Variants in EMSY observed in about 807,000 individuals in gnomAD.
EMSY encodes the protein EMSY transcriptional repressor, BRCA2 interacting.
Under a neutral mutation model 134.6 loss-of-function variants are expected in EMSY, and 26 were observed. The observed-to-expected ratio is 0.19, with a 90% CI of 0.14 to 0.27. The LOEUF (loss-of-function observed/expected upper bound fraction) is 0.27. Ranked by LOEUF, EMSY falls within the 10% of genes least tolerant of loss-of-function variation. EMSY has a pLI of 1.00. For synonymous variants in EMSY, 579 were observed against 577.8 expected (o/e 1.00, Z -0.03); for missense variants, 1,305 against 1,611.4 (o/e 0.81, Z 3.26).
chr11:76,544,563 C>A (rs747936827), exon 19 of EMSY: 1 of 1,614,128 alleles, frequency 6.2e-7, no homozygotes, highest in Non-Finnish European at 8.5e-7. Flanking sequence ...CAAAAACTCA[C>A]CCCTCTCCAG....
chr11:76,453,028 G>T (rs1947730070), intron 3 of EMSY, among the ~76,000 whole-genome samples: 1 of 152,202 alleles, frequency 6.6e-6, no homozygotes, highest in East Asian at 1.9e-4. Context: ...CCCATGGTCT[G>T]ACATTTCTGA....
At chr11:76,446,364 T>TATATG (rs1947408449) in intron 1 of EMSY, among the ~76,000 whole-genome samples, 1 of 147,152 alleles carries the variant, frequency 6.8e-6, no homozygotes, top group African/African-American at 2.5e-5. Flanking sequence ...TATATATATG[T>TATATG]ATGTATCGTT....
chr11:76,479,189 G>A (rs529148799), intron 8 of EMSY, among the ~76,000 whole-genome samples: 45 of 152,220 alleles, frequency 3.0e-4, no homozygotes, highest in Non-Finnish European at 6.0e-4. Flanking sequence ...TCCCTAATCC[G>A]AAAATCTGAA....
chr11:76,479,631 T>A (rs970360715), intron 8 of EMSY, among the ~76,000 whole-genome samples: 3 of 152,212 alleles, frequency 2.0e-5, no homozygotes, highest in Admixed American at 2.0e-4. Flanking sequence ...AGCACTTATG[T>A]TTATCTATAG....
At chr11:76,520,319 G>A (rs1346426574) in intron 11 of EMSY, among the ~76,000 whole-genome samples, 1 of 152,114 alleles carries the variant, frequency 6.6e-6, no homozygotes, top group Non-Finnish European at 1.5e-5. Flanking sequence ...TGTAATGGAA[G>A]GGATTAGACA....
Position 76,463,592 on chromosome 11 carries a change from C to T in EMSY, c.572-229C>T, listed in dbSNP as rs534893857. On this transcript the variant is annotated intron_variant, in intron 6 of 20. Transcript: ENST00000334736. ...GAGCCGAGATTGCGCCACTGCAGTCCGCAGTCCGGCCTGGGTGACAGAGCG... is the reference window on the plus strand; with the variant it reads ...GAGCCGAGATTGCGCCACTGCAGTCTGCAGTCCGGCCTGGGTGACAGAGCG... Among the ~76,000 whole-genome samples, 9 of 144,770 alleles carry T rather than the reference C, an allele frequency of 6.2e-5. No individual in the cohort carries two copies. In the East Asian group the frequency reaches 1.2e-3, roughly 20 times the overall value. 95.0% of individuals were successfully genotyped at this position (144,770 alleles called of 152,430 possible). A position where few individuals can be genotyped will look rare whatever the true frequency, so the allele number is the denominator to read the frequency against.
At chr11:76,526,372 T>C (rs1950846552) in intron 12 of EMSY, 90 bp from the exon 14 acceptor site, 1 of 943,280 alleles carries the variant, frequency 1.1e-6, no homozygotes, top group Admixed American at 3.1e-5. Flanking sequence ...TTTTTCATCA[T>C]CCTGGTAAAA....
intron 4 of EMSY, among the ~76,000 whole-genome samples, chr11:76,456,134 C>G (rs544555155): frequency 6.6e-6 from 1 of 152,082 alleles, no homozygotes; most frequent in African/African-American, 2.4e-5. Flanking sequence ...GTGAAGCCCT[C>G]CAGGAAGATG....
rs959845450 is a variant in EMSY, at chr11:76,522,243, A to G, written c.1685-912A>G. ...TAGATAGATCTTAATAATTGACAATATAAGTTTATATATGCAAATTAGAGT... is the reference window on the plus strand; with the variant it reads ...TAGATAGATCTTAATAATTGACAATGTAAGTTTATATATGCAAATTAGAGT... On this transcript the variant is annotated intron_variant, in intron 11 of 20. Coordinates refer to ENST00000334736, the Ensembl canonical transcript of EMSY. 5.3e-5 allele frequency among the ~76,000 whole-genome samples: 8 copies of G among 151,748 alleles called. No homozygotes were observed. The East Asian group carries it at 1.2e-3, about 22-fold the overall frequency.
At chr11:76,544,916 C>A in intron 19 of EMSY, 94 bp downstream of exon 20, 1 of 1,362,278 alleles carries the variant, frequency 7.3e-7, no homozygotes, top group Non-Finnish European at 9.9e-7. Flanking sequence ...TCAGTGCTTT[C>A]TCCTGGCAAG....
intron 8 of EMSY, among the ~76,000 whole-genome samples, chr11:76,487,568 C>G (rs1949239518): frequency 6.6e-6 from 1 of 152,198 alleles, no homozygotes; most frequent in Non-Finnish European, 1.5e-5. Flanking sequence ...CAGTAGCATA[C>G]AAGTTCAGAG....
intron 8 of EMSY, among the ~76,000 whole-genome samples, chr11:76,489,369 T>G (rs1383082997): frequency 1.3e-5 from 2 of 151,338 alleles, no homozygotes; most frequent in African/African-American, 4.9e-5. Context: ...AAGGGAAGTG[T>G]AAAAGTCTGT....
At chr11:76,534,820 A>G (rs1002866719) in intron 14 of EMSY, among the ~76,000 whole-genome samples, 4 of 152,104 alleles carry the variant, frequency 2.6e-5, no homozygotes, top group African/African-American at 9.7e-5. Context: ...CCCCATTATA[A>G]TCTGAATATA....
At chr11:76,474,413 A>AT in intron 8 of EMSY, among the ~76,000 whole-genome samples, 1 of 152,178 alleles carries the variant, frequency 6.6e-6, no homozygotes, top group Admixed American at 6.5e-5. Context: ...CTTAAGACAG[A>AT]TTGGGGCTTG....
intron 9 of EMSY, among the ~76,000 whole-genome samples, chr11:76,504,824 A>G (rs1036412017): frequency 2.0e-5 from 3 of 152,240 alleles, no homozygotes; most frequent in African/African-American, 7.2e-5. Context: ...AATTAGCCAT[A>G]AAAGGAATGA....
chr11:76,453,372 A>G (rs549193022), exon 4 of EMSY: 3 of 1,612,876 alleles, frequency 1.9e-6, no homozygotes, highest in Non-Finnish European at 2.5e-6. Context: ...TGAACGGTTA[A>G]CAACAATTGC....
At position 76,538,024 on chromosome 11, in the gene EMSY, G is replaced by C. The variant is rs1951289704; in HGVS notation, c.2515+74G>C. 17 of 1,287,536 alleles carry C rather than the reference G, an allele frequency of 1.3e-5. No individual in the cohort carries two copies. In the South Asian group the frequency reaches 2.3e-4, roughly 17 times the overall value. The allele number at this position is 1,287,536 out of a possible 1,614,324, so 79.8% of individuals were successfully genotyped here. On this transcript the variant is annotated intron_variant, in intron 16 of 20. Transcript: ENST00000334736. ...TGGATTTCATGGGATGATTGTGTGG[G>C]GGAGAATATATTCTTTATATTTTTA...
chr11:76,494,096 C>T (rs1349947173), intron 8 of EMSY, among the ~76,000 whole-genome samples: 1 of 152,254 alleles, frequency 6.6e-6, no homozygotes. Flanking sequence ...TCGCATGGAG[C>T]TTGGCATCTC....
At chr11:76,544,064 C>T (rs1050166514) in intron 18 of EMSY, among the ~76,000 whole-genome samples, 195 bp from the exon 20 acceptor site, 5 of 152,100 alleles carry the variant, frequency 3.3e-5, no homozygotes, top group Admixed American at 2.6e-4. Context: ...AGTAAGTAGA[C>T]CAGTTTTCGA....
Sources: gnomAD v4.1 joint callset for allele counts (sites outside exome capture counted in the v4.1 genomes callset) on GRCh38, gnomAD v4.1.1 for gene constraint, MANE v1.5 for transcripts, NCBI Gene and HGNC (gene_info 2026-07-23, HGNC 2026-07-21) for gene names.